The following GRIN3A variants were observed in gnomAD, a reference collection of about 807,000 sequenced individuals.
GRIN3A encodes glutamate ionotropic receptor NMDA type subunit 3A, also known as glutamate receptor ionotropic, NMDA 3A.
Under a neutral mutation model 92.4 loss-of-function variants are expected in GRIN3A, and 47 were observed. That is an observed-to-expected ratio of 0.51 (90% CI 0.40 to 0.65). The LOEUF is 0.65. GRIN3A is among the 30% of genes least tolerant of loss of function. GRIN3A has a pLI of 0.00. For synonymous variants in GRIN3A, 527 were observed against 540.6 expected (o/e 0.97, Z 0.35); for missense variants, 1,324 against 1,393.1 (o/e 0.95, Z 0.79).
At chr9:101,580,329 T>C (rs1033627927) in intron 6 of GRIN3A, among the ~76,000 whole-genome samples, 1 of 152,202 alleles carries the variant, frequency 6.6e-6, no homozygotes, top group African/African-American at 2.4e-5. Flanking sequence ...ATTCTTCAGT[T>C]GACAGGCGCT....
At chr9:101,732,755 G>A (rs1830155529) in intron 1 of GRIN3A, among the ~76,000 whole-genome samples, 1 of 152,164 alleles carries the variant, frequency 6.6e-6, no homozygotes, top group Non-Finnish European at 1.5e-5. Flanking sequence ...CTCTCCACTA[G>A]TTATTTGGGT....
chr9:101,638,446 C>T (rs980464170), intron 3 of GRIN3A, among the ~76,000 whole-genome samples: 4 of 152,218 alleles, frequency 2.6e-5, no homozygotes, highest in African/African-American at 9.7e-5. Flanking sequence ...CACTGAGGCT[C>T]TTCCAATTGT....
chr9:101,620,893 T>C (rs1003485669), intron 5 of GRIN3A, among the ~76,000 whole-genome samples: 1 of 152,054 alleles, frequency 6.6e-6, no homozygotes, highest in Non-Finnish European at 1.5e-5. Flanking sequence ...AGAGAAATAT[T>C]TTCTCAAAAA....
At chr9:101,659,450 CTA>C (rs1232095064) in intron 3 of GRIN3A, among the ~76,000 whole-genome samples, 7 of 83,686 alleles carry the variant, frequency 8.4e-5, no homozygotes, top group African/African-American at 2.7e-4. Flanking sequence ...TAGAAAGTAT[CTA>C]TGTATTTATT....
intron 5 of GRIN3A, among the ~76,000 whole-genome samples, chr9:101,622,006 C>G (rs941431898): frequency 6.6e-6 from 1 of 152,204 alleles, no homozygotes; most frequent in African/African-American, 2.4e-5. Context: ...CCTTTGCTAT[C>G]TAAGACGGTA....
intron 1 of GRIN3A, among the ~76,000 whole-genome samples, chr9:101,717,119 T>C (rs1399802274): frequency 1.3e-5 from 2 of 152,204 alleles, no homozygotes; most frequent in African/African-American, 2.4e-5. Flanking sequence ...TGTGCATATA[T>C]GAATAATCTG....
chr9:101,619,412 A>C (rs996516366), intron 5 of GRIN3A, among the ~76,000 whole-genome samples: 1 of 152,176 alleles, frequency 6.6e-6, no homozygotes, highest in Non-Finnish European at 1.5e-5. Flanking sequence ...GAAGAATTTT[A>C]CAGTTAATTG....
rs544216210 is a variant in GRIN3A at position 101,632,412 on chromosome 9, A to G, written c.2353-4011T>C. ...AAGTCTTCAACAAATGTTAGCTGCT[A>G]TTATTATTATCATTGTTATGCAACA... On this transcript the variant is annotated intron_variant, in intron 3 of 8. Coordinates refer to ENST00000361820, the MANE Select transcript of GRIN3A (RefSeq NM_133445.3). Among the ~76,000 whole-genome samples, 23 of 152,326 alleles carry G rather than the reference A, an allele frequency of 1.5e-4. No homozygotes were observed. The South Asian group carries it at 4.1e-3, about 27-fold the overall frequency.
intron 6 of GRIN3A, among the ~76,000 whole-genome samples, chr9:101,588,432 T>A (rs1827976452): frequency 6.6e-6 from 1 of 152,158 alleles, no homozygotes; most frequent in South Asian, 2.1e-4. Flanking sequence ...GCACTGCCCA[T>A]GTTGCTGTGA....
intron 3 of GRIN3A, among the ~76,000 whole-genome samples, chr9:101,640,890 C>CT (rs1828850048): frequency 6.6e-6 from 1 of 152,112 alleles, no homozygotes; most frequent in African/African-American, 2.4e-5. Context: ...CATTAAACCT[C>CT]TTTTTCTTTC....
chr9:101,641,525 C>T (rs999848309), intron 3 of GRIN3A, among the ~76,000 whole-genome samples: 1 of 151,082 alleles, frequency 6.6e-6, no homozygotes, highest in African/African-American at 2.4e-5. Flanking sequence ...CAAACTATCG[C>T]AAGAACAAAA....
intron 3 of GRIN3A, among the ~76,000 whole-genome samples, chr9:101,632,738 T>A (rs1403398787): frequency 6.6e-6 from 1 of 152,202 alleles, no homozygotes. Context: ...TAAGAAGCTA[T>A]TGATGCAACC....
Position 101,670,860 on chromosome 9 carries a change from C to T in GRIN3A, c.1552G>A (p.Val518Ile), listed in dbSNP as rs762641585. 6.2e-7 allele frequency: 1 copy of T among 1,613,672 alleles called. No homozygotes were observed. Among genetic ancestry groups the T allele is most frequent in the Non-Finnish European group, 8.5e-7 (1 of 1,179,742 alleles). Residue 518 changes from valine (V) to isoleucine (I), a missense_variant, in exon 3 of 9, where the codon GTT becomes ATT. By Grantham distance (29) the Val-to-Ile change is conservative. Transcript: ENST00000361820. Reference protein sequence around the residue: ...QHPSKLHLRVVTLIEHPFVFT... With the variant: ...QHPSKLHLRVITLIEHPFVFT... ...ACAAAAGGATGCTCAATCAGGGTAA[C>T]CACTCTCAAGTGTAGCTTACTTGGA...
chr9:101,590,658 G>A (rs1828011694), intron 6 of GRIN3A, among the ~76,000 whole-genome samples: 1 of 152,028 alleles, frequency 6.6e-6, no homozygotes, highest in African/African-American at 2.4e-5. Flanking sequence ...GGGATTACAG[G>A]CATGAGCCAC....
intron 1 of GRIN3A, among the ~76,000 whole-genome samples, chr9:101,691,502 G>A (rs866373694): frequency 6.6e-6 from 1 of 152,110 alleles, no homozygotes; most frequent in Admixed American, 6.6e-5. Flanking sequence ...AAAACGAGAT[G>A]TATTTGAAAA....
intron 2 of GRIN3A, among the ~76,000 whole-genome samples, chr9:101,676,511 C>A (rs1252400360): frequency 6.6e-6 from 1 of 151,822 alleles, no homozygotes; most frequent in East Asian, 1.9e-4. Flanking sequence ...TTGATATTTC[C>A]CCCGAGGAAT....
intron 3 of GRIN3A, among the ~76,000 whole-genome samples, chr9:101,644,474 A>AAC (rs1828909964): frequency 1.3e-5 from 2 of 151,738 alleles, no homozygotes; most frequent in African/African-American, 4.8e-5. Flanking sequence ...AAAAAAAAAA[A>AAC]AAAACACAGT....
chr9:101,569,653 G>C lies in GRIN3A; in HGVS notation c.*3521C>G, dbSNP rs1827733228. 1.3e-5 allele frequency: 2 copies of C among 152,144 alleles called. No homozygotes were observed. 9.4% of individuals were successfully genotyped at this position (152,144 alleles called of 1,614,324 possible). ...AGAGTGAGGGAATCCTGGATTAGATGGATAGTTTAGGTGGGTAAAGAAAGG... is the reference window on the plus strand; with the variant it reads ...AGAGTGAGGGAATCCTGGATTAGATCGATAGTTTAGGTGGGTAAAGAAAGG... On this transcript the variant is annotated 3_prime_UTR_variant, in exon 9 of 9. Transcript: ENST00000361820.
intron 3 of GRIN3A, among the ~76,000 whole-genome samples, chr9:101,664,463 C>A (rs1365956197): frequency 6.6e-6 from 1 of 151,932 alleles, no homozygotes; most frequent in African/African-American, 2.4e-5. Context: ...ACATATATTA[C>A]TTTTATTGTA....
Sources: allele counts gnomAD v4.1 joint callset (sites outside exome capture counted in the v4.1 genomes callset), GRCh38; gene constraint gnomAD v4.1.1; transcripts MANE v1.5; gene names NCBI Gene and HGNC (gene_info 2026-07-23, HGNC 2026-07-21).